Variants in MALRD1 observed in about 807,000 individuals in gnomAD.
The protein encoded by MALRD1 is MAM and LDL receptor class A domain containing 1.
A neutral mutation model predicts 242.1 loss-of-function variants in MALRD1; 247 were observed. The ratio of observed to expected loss-of-function variants is 1.02; its 90% CI spans 0.92 to 1.13. The LOEUF is 1.13. Among genes scored for constraint, MALRD1 ranks in the 50% most tolerant of loss-of-function variants. The pLI is 0.00. For synonymous variants in MALRD1, 995 were observed against 866.6 expected (o/e 1.15, Z -2.60); for missense variants, 2,989 against 2,533.1 (o/e 1.18, Z -3.86).
chr10:19,067,416 C>T (rs1435989876), intron 2 of MALRD1, among the ~76,000 whole-genome samples: 1 of 152,048 alleles, frequency 6.6e-6, no homozygotes, highest in Non-Finnish European at 1.5e-5. Flanking sequence ...GGAGCAAAAA[C>T]GGATTCCATG....
At chr10:19,327,139 A>G (rs1843167010) in intron 22 of MALRD1, among the ~76,000 whole-genome samples, 1 of 152,124 alleles carries the variant, frequency 6.6e-6, no homozygotes, top group African/African-American at 2.4e-5. Flanking sequence ...TTGTAACATT[A>G]CTGCCTCTCT....
At chr10:19,214,871 A>T (rs187432131) in intron 18 of MALRD1, among the ~76,000 whole-genome samples, 143 of 152,298 alleles carry the variant, frequency 9.4e-4, no homozygotes, top group Non-Finnish European at 1.6e-3. Context: ...ATGAGCAGAA[A>T]CATTGTGGTG....
intron 31 of MALRD1, among the ~76,000 whole-genome samples, chr10:19,517,846 C>T (rs1021316893): frequency 6.6e-6 from 1 of 152,238 alleles, no homozygotes; most frequent in African/African-American, 2.4e-5. Context: ...AATGCTTGGT[C>T]ACTTGGTGCT....
chr10:19,651,840 ACT>A lies in MALRD1; in HGVS notation c.6137+35920_6137+35921del, dbSNP rs1183583621. ...CTCTTAGTTACAAGCAACAGAAATG[ACT>A]CTGACGAATTTAAATACAGAGGAAG... is the stretch of plus-strand genomic sequence containing the variant. On this transcript the variant is annotated intron_variant, in intron 36 of 39. Transcript: ENST00000454679. Among the ~76,000 whole-genome samples, 14 of 152,262 alleles carry A rather than the reference ACT, an allele frequency of 9.2e-5. No homozygotes were observed. In the East Asian group the frequency reaches 1.7e-3, roughly 19 times the overall value.
chr10:19,123,765 G>A (rs924999783), intron 6 of MALRD1, among the ~76,000 whole-genome samples, 172 bp downstream of exon 6: 15 of 152,084 alleles, frequency 9.9e-5, no homozygotes, highest in Admixed American at 3.3e-4. Context: ...AATTTAAGGC[G>A]ATGTCATTTT....
rs866587279 is a variant in MALRD1, at chr10:19,366,158, G to A, written c.4441+13861G>A. ...TTATTACTACACTGTAATATGTAAT[G>A]AAATAAACATGCAACTTACCATAAT... On this transcript the variant is annotated intron_variant, in intron 26 of 39. Coordinates refer to ENST00000454679, the MANE Select transcript of MALRD1 (RefSeq NM_001142308.3). Among the ~76,000 whole-genome samples the A allele has an allele frequency of 1.2e-4, 18 of 151,892 alleles. 3 individuals are homozygous for A. The South Asian group carries it at 2.5e-3, about 21-fold the overall frequency.
chr10:19,251,269 C>T (rs1231912023), intron 18 of MALRD1, among the ~76,000 whole-genome samples: 1 of 152,026 alleles, frequency 6.6e-6, no homozygotes, highest in Non-Finnish European at 1.5e-5. Flanking sequence ...TTCTGTTAGG[C>T]ACAGTTCAGC....
chr10:19,488,595 A>G (rs148467094), intron 29 of MALRD1: 2 of 154,808 alleles, frequency 1.3e-5, no homozygotes, highest in East Asian at 3.8e-4. Flanking sequence ...AGGAAGTAGC[A>G]TCTGTGAATG....
chr10:19,234,516 T>C (rs1031030358), intron 18 of MALRD1, among the ~76,000 whole-genome samples: 4 of 152,160 alleles, frequency 2.6e-5, no homozygotes, highest in Non-Finnish European at 5.9e-5. Flanking sequence ...AAAGTATCGA[T>C]TTACCAATAA....
At chr10:19,410,315 A>G (rs889987564) in intron 28 of MALRD1, among the ~76,000 whole-genome samples, 2 of 151,820 alleles carry the variant, frequency 1.3e-5, no homozygotes, top group Non-Finnish European at 2.9e-5. Context: ...CAAGTTTAGT[A>G]TAGATTTTTT....
intron 21 of MALRD1, among the ~76,000 whole-genome samples, chr10:19,287,299 T>A (rs1438876343): frequency 6.6e-6 from 1 of 152,054 alleles, no homozygotes; most frequent in Non-Finnish European, 1.5e-5. Context: ...GAATATATAG[T>A]CGTTTCTTGA....
intron 14 of MALRD1, among the ~76,000 whole-genome samples, chr10:19,193,335 C>G (rs554765928): frequency 8.8e-4 from 134 of 152,198 alleles, no homozygotes; most frequent in African/African-American, 3.1e-3. Context: ...GCAGGAGGAT[C>G]GCTTAAGCCC....
intron 14 of MALRD1, among the ~76,000 whole-genome samples, chr10:19,177,854 C>G (rs1835328408): frequency 1.3e-5 from 2 of 151,994 alleles, no homozygotes; most frequent in Non-Finnish European, 2.9e-5. Flanking sequence ...ATTTCTTCCC[C>G]CCTGGGAACA....
Position 19,352,419 on chromosome 10 carries a change from T to A in MALRD1, c.4441+122T>A, listed in dbSNP as rs1157875921. On this transcript the variant is annotated intron_variant, in intron 26 of 39. Coordinates refer to ENST00000454679, the MANE Select transcript of MALRD1 (RefSeq NM_001142308.3). ...ATTTATCACTTTCATAAAGAAAATA[T>A]AAGATCTTTTTAAACTCAAAAAAAT... 1.1e-5 allele frequency: 10 copies of A among 938,758 alleles called. No individual in the cohort carries two copies. The Admixed American group carries it at 2.9e-4, about 27-fold the overall frequency. The allele number at this position is 938,758 out of a possible 1,614,324, so 58.2% of individuals were successfully genotyped here. A position where few individuals can be genotyped will look rare whatever the true frequency, so the allele number is the denominator to read the frequency against.
At chr10:19,413,562 T>C (rs992486671) in intron 28 of MALRD1, among the ~76,000 whole-genome samples, 5 of 89,482 alleles carry the variant, frequency 5.6e-5, no homozygotes, top group African/African-American at 1.8e-4. Context: ...CTTTTAATCA[T>C]GAAAAAAAAA....
intron 24 of MALRD1, among the ~76,000 whole-genome samples, chr10:19,331,902 C>A (rs1372300842): frequency 6.6e-6 from 1 of 152,142 alleles, no homozygotes; most frequent in African/African-American, 2.4e-5. Flanking sequence ...GAATCTCACT[C>A]TGTTGCAGGA....
intron 26 of MALRD1, among the ~76,000 whole-genome samples, chr10:19,381,354 A>G (rs909814670): frequency 3.3e-5 from 5 of 151,718 alleles, no homozygotes; most frequent in African/African-American, 4.8e-5. Flanking sequence ...ATTGTGAATA[A>G]TGCCGCAATA....
intron 21 of MALRD1, among the ~76,000 whole-genome samples, chr10:19,291,832 C>G (rs953660580): frequency 6.6e-6 from 1 of 151,874 alleles, no homozygotes; most frequent in African/African-American, 2.4e-5. Flanking sequence ...AACCTGTAAT[C>G]CCAGCACTTT....
intron 14 of MALRD1, among the ~76,000 whole-genome samples, chr10:19,199,809 T>TAAATAAATAAAATAAAATA (rs1190149204): frequency 3.0e-5 from 4 of 132,286 alleles, no homozygotes; most frequent in African/African-American, 1.2e-4. Flanking sequence ...TCCAAATAAA[T>TAAATAAATAAAATAAAATA]AAATAAATAA....
Sources: gnomAD v4.1 joint callset for allele counts (sites outside exome capture counted in the v4.1 genomes callset) on GRCh38, gnomAD v4.1.1 for gene constraint, MANE v1.5 for transcripts, NCBI Gene and HGNC (gene_info 2026-07-23, HGNC 2026-07-21) for gene names.